The following MAGI3 variants were observed in gnomAD, a reference collection of about 807,000 sequenced individuals.
MAGI3 encodes the protein membrane associated guanylate kinase, WW and PDZ domain containing 3.
Under a neutral mutation model 121.8 loss-of-function variants are expected in MAGI3, and 43 were observed. That is an observed-to-expected ratio of 0.35 (90% CI 0.28 to 0.46). The LOEUF is 0.46. MAGI3 is among the 20% of genes least tolerant of loss of function. MAGI3 has a pLI of 1.00. For synonymous variants in MAGI3, 553 were observed against 639.3 expected, an observed-to-expected ratio of 0.86 and a Z score of 2.04; for missense variants, 1,547 against 1,797.3, an observed-to-expected ratio of 0.86 and a Z score of 2.52.
intron 1 of MAGI3, among the ~76,000 whole-genome samples, chr1:113,397,505 A>G (rs1230922693): frequency 6.6e-6 from 1 of 152,174 alleles, no homozygotes; most frequent in Non-Finnish European, 1.5e-5. Context: ...CCATACAGAA[A>G]GGTTTACAGT....
chr1:113,503,423 A>G (rs1278033037), intron 1 of MAGI3, among the ~76,000 whole-genome samples: 1 of 151,490 alleles, frequency 6.6e-6, no homozygotes, highest in Non-Finnish European at 1.5e-5. Flanking sequence ...CAGCTTCATT[A>G]ACTTCTATAA....
chr1:113,625,702 T>A (rs988046852), intron 9 of MAGI3, among the ~76,000 whole-genome samples: 6 of 152,192 alleles, frequency 3.9e-5, no homozygotes, highest in African/African-American at 1.4e-4. Context: ...CTCCTGCTGA[T>A]TGCTTTAGCT....
chr1:113,496,381 T>C (rs1400140646), intron 1 of MAGI3, among the ~76,000 whole-genome samples: 1 of 152,118 alleles, frequency 6.6e-6, no homozygotes, highest in African/African-American at 2.4e-5. Flanking sequence ...GGAATGCCAA[T>C]TGATAGATGG....
chr1:113,448,858 G>A (rs1460294066), intron 1 of MAGI3, among the ~76,000 whole-genome samples: 2 of 152,096 alleles, frequency 1.3e-5, no homozygotes, highest in Admixed American at 6.5e-5. Context: ...AGTGGATCAC[G>A]CCTGTAATTC....
At chr1:113,522,202 TTCAAGTGAG>T (rs1479400414) in intron 1 of MAGI3, among the ~76,000 whole-genome samples, 2 of 152,242 alleles carry the variant, frequency 1.3e-5, no homozygotes, top group Non-Finnish European at 2.9e-5. Context: ...GACTCCCAGT[TTCAAGTGAG>T]TCTTATGCCT....
intron 1 of MAGI3, among the ~76,000 whole-genome samples, chr1:113,529,389 G>A (rs780403744): frequency 6.6e-6 from 1 of 152,196 alleles, no homozygotes; most frequent in Non-Finnish European, 1.5e-5. Flanking sequence ...CTAGTTCAAA[G>A]ATGTCCATCT....
In MAGI3 at chr1:113,422,672, A is replaced by G. The variant is rs1006601036; in HGVS notation, c.316+31323A>G. Among the ~76,000 whole-genome samples the G allele has an allele frequency of 2.0e-5, 3 of 152,242 alleles. No individual in the cohort carries two copies. The highest frequency in any genetic ancestry group is 4.4e-5 in the Non-Finnish European group (3 of 68,036). On this transcript the variant is annotated intron_variant, in intron 1 of 20. Transcript: ENST00000307546. The surrounding 1 kb of genome is among the most constrained non-coding windows in gnomAD (Gnocchi z 4.3). Reference sequence around the variant, plus strand: ...ACCGCAAGCAGCTTCTGCTGCGGGCACTAGTGTCTGGATAAGGGAACGTGG... The same window carrying G: ...ACCGCAAGCAGCTTCTGCTGCGGGCGCTAGTGTCTGGATAAGGGAACGTGG...
intron 1 of MAGI3, among the ~76,000 whole-genome samples, chr1:113,470,107 T>C (rs1027333278): frequency 2.0e-5 from 3 of 152,138 alleles, no homozygotes; most frequent in African/African-American, 7.2e-5. Context: ...AGATTGGAGA[T>C]GGATTCTAGG....
At chr1:113,443,466 G>A (rs1654016314) in intron 1 of MAGI3, among the ~76,000 whole-genome samples, 1 of 152,062 alleles carries the variant, frequency 6.6e-6, no homozygotes, top group African/African-American at 2.4e-5. Flanking sequence ...ATTAGCAGAC[G>A]ACTCCTCATT....
At chr1:113,405,203 G>C (rs970079456) in intron 1 of MAGI3, among the ~76,000 whole-genome samples, 8 of 152,116 alleles carry the variant, frequency 5.3e-5, no homozygotes, top group African/African-American at 1.9e-4. Flanking sequence ...TGAAAGGCCA[G>C]ATGTGGTGGC....
intron 1 of MAGI3, among the ~76,000 whole-genome samples, chr1:113,435,713 TTA>T (rs1209731722): frequency 1.3e-5 from 2 of 152,134 alleles, no homozygotes; most frequent in East Asian, 3.8e-4. Flanking sequence ...TGTCTTTAAT[TTA>T]TATTTAAATC....
intron 1 of MAGI3, among the ~76,000 whole-genome samples, chr1:113,455,686 T>C (rs1449924810): frequency 1.3e-5 from 2 of 152,198 alleles, no homozygotes; most frequent in Non-Finnish European, 2.9e-5. Context: ...ATGGGGAAAC[T>C]GAACCTTACT....
At chr1:113,594,430 A>G (rs1648870695) in intron 5 of MAGI3, 51 bp from the exon 6 acceptor site, 1 of 1,424,290 alleles carries the variant, frequency 7.0e-7, no homozygotes, top group African/African-American at 1.4e-5. Context: ...TTTTGAAATA[A>G]TTTTCTCCTC....
At chr1:113,466,363 T>A (rs1232820319) in intron 1 of MAGI3, among the ~76,000 whole-genome samples, 2 of 152,216 alleles carry the variant, frequency 1.3e-5, no homozygotes, top group Non-Finnish European at 2.9e-5. Context: ...ATGATCTTTT[T>A]AATGTGCTGG....
At chr1:113,514,604 A>C (rs909255684) in intron 1 of MAGI3, among the ~76,000 whole-genome samples, 7 of 151,616 alleles carry the variant, frequency 4.6e-5, no homozygotes, top group Non-Finnish European at 8.8e-5. Context: ...GAAGGGGAAC[A>C]TCACACTCTG....
At chr1:113,398,596 CGTT>C (rs1350428947) in intron 1 of MAGI3, among the ~76,000 whole-genome samples, 2 of 151,724 alleles carry the variant, frequency 1.3e-5, no homozygotes, top group African/African-American at 4.8e-5. Flanking sequence ...GCCTGTATCT[CGTT>C]GTTCTGATTG....
intron 1 of MAGI3, among the ~76,000 whole-genome samples, chr1:113,542,973 A>T (rs780700318): frequency 3.3e-5 from 5 of 152,178 alleles, no homozygotes; most frequent in Non-Finnish European, 5.9e-5. Context: ...AAATGGGAAT[A>T]ATAATAACAC....
At chr1:113,582,242 G>A (rs569780819) in intron 3 of MAGI3, among the ~76,000 whole-genome samples, 3 of 152,150 alleles carry the variant, frequency 2.0e-5, no homozygotes, top group African/African-American at 7.2e-5. Flanking sequence ...TGGTAAATTT[G>A]AAGATATACA....
intron 1 of MAGI3, among the ~76,000 whole-genome samples, chr1:113,526,536 A>G (rs1343696709): frequency 2.0e-5 from 3 of 152,212 alleles, no homozygotes. Context: ...AGAAGGAACT[A>G]CAGGGTGGCA....
Sources: allele counts gnomAD v4.1 joint callset (sites outside exome capture counted in the v4.1 genomes callset), GRCh38; gene constraint gnomAD v4.1.1; non-coding constraint Gnocchi (gnomAD v3.1); transcripts MANE v1.5; gene names NCBI Gene and HGNC (gene_info 2026-07-23, HGNC 2026-07-21).